PABPC4L: variants seen among roughly 807,000 people sequenced by gnomAD.
The protein encoded by PABPC4L is polyadenylate-binding protein 4-like.
For missense variants in PABPC4L, 452 were observed against 451.4 expected, an observed-to-expected ratio of 1.00 and a Z score of -0.01; for synonymous variants, 169 against 164.1, an observed-to-expected ratio of 1.03 and a Z score of -0.23.
the PABPC4L span, among the ~76,000 whole-genome samples, chr4:134,091,543 G>A: frequency 1.3e-5 from 2 of 151,858 alleles, no homozygotes; most frequent in Admixed American, 1.3e-4. Context: ...AGTAGAAAAG[G>A]TAGTAGGCAT....
the PABPC4L span, among the ~76,000 whole-genome samples, chr4:134,019,530 G>A: frequency 6.6e-4 from 101 of 152,260 alleles, 3 homozygotes; most frequent in East Asian, 0.017. Context: ...TACCAGAGAA[G>A]AAAAACACCT....
At chr4:133,959,634 G>A in the PABPC4L span, among the ~76,000 whole-genome samples, 4 of 152,174 alleles carry the variant, frequency 2.6e-5, no homozygotes, top group African/African-American at 9.7e-5. Context: ...AAAAGACTAG[G>A]TATTGTTATA....
At chr4:134,183,671 G>A in the PABPC4L span, among the ~76,000 whole-genome samples, 5 of 151,788 alleles carry the variant, frequency 3.3e-5, no homozygotes, top group Non-Finnish European at 5.9e-5. Flanking sequence ...CCATATATTT[G>A]TTAAAAACAG....
Position 134,201,035 on chromosome 4 carries a change from A to G in PABPC4L, c.-16T>C. 6.4e-7 allele frequency: 1 copy of G among 1,551,652 alleles called. No homozygotes were observed. Among genetic ancestry groups the G allele is most frequent in the South Asian group, 1.2e-5 (1 of 84,056 alleles). Reference sequence around the variant, plus strand: ...CTACATTCATCTCCTTGTCCTTGCCACTGTGAGTTTGTCCCCTGGAGTTCT... The same window carrying G: ...CTACATTCATCTCCTTGTCCTTGCCGCTGTGAGTTTGTCCCCTGGAGTTCT... On this transcript the variant is annotated 5_prime_UTR_variant, in exon 2 of 2. Transcript: ENST00000421491.
At chr4:134,174,919 G>C in the PABPC4L span, among the ~76,000 whole-genome samples, 1 of 152,024 alleles carries the variant, frequency 6.6e-6, no homozygotes, top group Non-Finnish European at 1.5e-5. Flanking sequence ...TGAAATAGTA[G>C]GGTAAATTTT....
the PABPC4L span, among the ~76,000 whole-genome samples, chr4:133,951,285 A>G: frequency 6.6e-6 from 1 of 152,100 alleles, no homozygotes; most frequent in Non-Finnish European, 1.5e-5. Flanking sequence ...ATGCCTCTTT[A>G]TTCTTCTCTC....
At chr4:134,112,728 T>G in the PABPC4L span, among the ~76,000 whole-genome samples, 2 of 151,970 alleles carry the variant, frequency 1.3e-5, no homozygotes, top group African/African-American at 2.4e-5. Context: ...TATATGTGTG[T>G]GTGTACATAT....
the PABPC4L span, among the ~76,000 whole-genome samples, chr4:134,090,594 A>G: frequency 1.3e-5 from 2 of 151,908 alleles, no homozygotes; most frequent in African/African-American, 4.8e-5. Context: ...GCGAGACCCC[A>G]TCTCTAAAAT....
chr4:134,017,448 A>G, the PABPC4L span, among the ~76,000 whole-genome samples: 6 of 152,124 alleles, frequency 3.9e-5, no homozygotes, highest in African/African-American at 1.4e-4. Flanking sequence ...CCTATTCACC[A>G]TTCTCAACTA....
the PABPC4L span, among the ~76,000 whole-genome samples, chr4:133,990,524 G>A: frequency 6.6e-6 from 1 of 152,260 alleles, no homozygotes; most frequent in African/African-American, 2.4e-5. Flanking sequence ...ACAGATGAAA[G>A]AAGTATGCTG....
the PABPC4L span, among the ~76,000 whole-genome samples, chr4:134,004,769 A>C: frequency 6.6e-6 from 1 of 151,964 alleles, no homozygotes. Flanking sequence ...ACAATAGAAT[A>C]CTACTGAGAT....
chr4:134,146,139 T>A, the PABPC4L span, among the ~76,000 whole-genome samples: 1 of 151,976 alleles, frequency 6.6e-6, no homozygotes, highest in African/African-American at 2.4e-5. Flanking sequence ...TGAACAAAAT[T>A]CTGATACTTT....
At chr4:134,156,292 T>C in the PABPC4L span, among the ~76,000 whole-genome samples, 1 of 151,968 alleles carries the variant, frequency 6.6e-6, no homozygotes, top group South Asian at 2.1e-4. Context: ...AACTGACTCA[T>C]AGAGCTTTTG....
the PABPC4L span, among the ~76,000 whole-genome samples, chr4:134,072,711 G>A: frequency 6.6e-5 from 10 of 152,124 alleles, no homozygotes; most frequent in Non-Finnish European, 1.3e-4. Context: ...ATAAAGGAAA[G>A]AGGCTTAATT....
At chr4:134,025,449 T>A in the PABPC4L span, among the ~76,000 whole-genome samples, 1 of 152,014 alleles carries the variant, frequency 6.6e-6, no homozygotes, top group Non-Finnish European at 1.5e-5. Flanking sequence ...CTATTTTTGC[T>A]CATTGCTAGA....
the PABPC4L span, among the ~76,000 whole-genome samples, chr4:134,073,523 T>C: frequency 0.013 from 1,926 of 152,090 alleles, 42 homozygotes; most frequent in African/African-American, 0.041. Flanking sequence ...TGTCAGTGGA[T>C]TTAAAATTCT....
chr4:134,081,842 C>T, the PABPC4L span, among the ~76,000 whole-genome samples: 2 of 152,124 alleles, frequency 1.3e-5, no homozygotes, highest in Non-Finnish European at 2.9e-5. Flanking sequence ...ATGCTCATTA[C>T]GACCCCAACT....
In PABPC4L at chr4:134,198,773, A is replaced by C. The variant is rs1729747359; in HGVS notation, c.*1134T>G. On this transcript the variant is annotated 3_prime_UTR_variant, in exon 2 of 2. Transcript: ENST00000421491. ...TAGATGAAAGGCAGGAGAGCAAGGA[A>C]AATAGGGGAATGGTTCTAAACTAAA... The C allele has an allele frequency of 6.6e-6, 1 of 151,978 alleles. No individual in the cohort carries two copies. Among genetic ancestry groups the C allele is most frequent in the Admixed American group, 6.6e-5 (1 of 15,254 alleles). 9.4% of individuals were successfully genotyped at this position (151,978 alleles called of 1,614,324 possible).
At chr4:134,138,609 T>C in the PABPC4L span, among the ~76,000 whole-genome samples, 1 of 151,820 alleles carries the variant, frequency 6.6e-6, no homozygotes, top group African/African-American at 2.4e-5. Context: ...GCTTTAGAGT[T>C]GTATGTATTT....
Sources: allele counts gnomAD v4.1 joint callset (sites outside exome capture counted in the v4.1 genomes callset), GRCh38; gene constraint gnomAD v4.1.1; transcripts MANE v1.5; gene names NCBI Gene and HGNC (gene_info 2026-07-23, HGNC 2026-07-21).